The following KDM3B variants were observed in gnomAD, a reference collection of about 807,000 sequenced individuals.
The protein encoded by KDM3B is lysine-specific demethylase 3B.
KDM3B carries 10 observed loss-of-function variants against 170.0 expected under a neutral mutation model. That is an observed-to-expected ratio of 0.06 (90% confidence interval 0.04 to 0.10). The LOEUF is 0.10. KDM3B is among the 10% of genes least tolerant of loss of function. The pLI is 1.00. For synonymous variants in KDM3B, 831 were observed against 834.8 expected (o/e 1.00, Z 0.08); for missense variants, 1,394 against 2,195.2 (o/e 0.64, Z 7.29).
Position 138,398,289 on chromosome 5 carries a change from G to T in KDM3B, c.2943G>T (p.Gly981=), listed in dbSNP as rs1386399132. The stretch of plus-strand genomic sequence containing the variant: ...TTCCCTCTTCCTCCCTAGCAGAAGG[G>T]ATAGATCTAGAGACCTCAAAATACA... The part of the protein sequence containing the change: ...LWIPSSSLAE[G]IDLETSKYIL... The change falls in exon 10 of 24, where the codon GGG becomes GGT. Residue 981 remains glycine (G), a synonymous_variant. Coordinates refer to ENST00000314358, the MANE Select transcript of KDM3B (RefSeq NM_016604.4). The T allele has an allele frequency of 1.9e-6, 3 of 1,614,168 alleles. No individual in the cohort carries two copies. The highest frequency in any genetic ancestry group is 2.5e-6 in the Non-Finnish European group (3 of 1,180,028).
chr5:138,356,461 G>C, intron 1 of KDM3B, among the ~76,000 whole-genome samples: 1 of 152,004 alleles, frequency 6.6e-6, no homozygotes, highest in East Asian at 1.9e-4. Flanking sequence ...ATGACTATTT[G>C]TCCTTTTTTT....
At chr5:138,381,933 A>G (rs1176860631) in intron 6 of KDM3B, among the ~76,000 whole-genome samples, 1 of 151,478 alleles carries the variant, frequency 6.6e-6, no homozygotes, top group Non-Finnish European at 1.5e-5. Flanking sequence ...TCTACCAAGT[A>G]ACAAGAAGTG....
intron 11 of KDM3B, among the ~76,000 whole-genome samples, chr5:138,401,212 A>G (rs1392190881): frequency 1.3e-5 from 2 of 149,954 alleles, no homozygotes; most frequent in East Asian, 4.0e-4. Context: ...CGGAGGTTGC[A>G]GTGAGCTGAG....
intron 11 of KDM3B, among the ~76,000 whole-genome samples, chr5:138,406,802 C>T (rs1170215159): frequency 1.3e-5 from 2 of 152,004 alleles, no homozygotes; most frequent in Non-Finnish European, 2.9e-5. Flanking sequence ...TGCCTATACT[C>T]TCATCTATTT....
intron 1 of KDM3B, among the ~76,000 whole-genome samples, chr5:138,369,945 A>G (rs888546843): frequency 6.6e-6 from 1 of 152,226 alleles, no homozygotes; most frequent in African/African-American, 2.4e-5. Context: ...GTTTTGCAAG[A>G]GAGTGGAACT....
chr5:138,367,251 A>G (rs766090263), intron 1 of KDM3B, among the ~76,000 whole-genome samples: 7 of 152,114 alleles, frequency 4.6e-5, no homozygotes, highest in African/African-American at 9.7e-5. Context: ...TCAAGTTGCT[A>G]CTTTATTTAA....
intron 16 of KDM3B, 95 bp from the exon 17 acceptor site, chr5:138,425,316 G>A: frequency 9.2e-7 from 1 of 1,090,200 alleles, no homozygotes; most frequent in Non-Finnish European, 1.3e-6. Flanking sequence ...TGGAGAAGAG[G>A]AGGCCCTCCT....
chr5:138,404,287 A>G (rs1024573099), intron 11 of KDM3B, among the ~76,000 whole-genome samples: 5 of 152,240 alleles, frequency 3.3e-5, no homozygotes, highest in African/African-American at 9.6e-5. Flanking sequence ...TAGAAACATT[A>G]AGAAAACCAC....
intron 1 of KDM3B, among the ~76,000 whole-genome samples, chr5:138,355,359 A>G (rs1289313354): frequency 4.6e-5 from 7 of 152,252 alleles, no homozygotes; most frequent in African/African-American, 1.4e-4. Flanking sequence ...CAGATATCCT[A>G]TAAAATACAG....
intron 1 of KDM3B, among the ~76,000 whole-genome samples, chr5:138,354,762 A>G (rs879860944): frequency 6.6e-6 from 1 of 152,242 alleles, no homozygotes; most frequent in Non-Finnish European, 1.5e-5. Context: ...AGCAAAGAAC[A>G]TTACAGCTGT....
Position 138,391,777 on chromosome 5 carries a change from A to C in KDM3B, c.2145A>C (p.Pro715=). Reference sequence around the variant, plus strand: ...GCTCAGCTCTTACCAGTGGGGGCCCAAGCCTCTCTGCCATGGGGAATGGCC... The same window carrying C: ...GCTCAGCTCTTACCAGTGGGGGCCCCAGCCTCTCTGCCATGGGGAATGGCC... ...VLGSALTSGG[P]SLSAMGNGRS... is the part of the protein sequence containing the mutation. The change falls in exon 8 of 24, where the codon CCA becomes CCC. Residue 715 remains proline (P), a synonymous_variant. Transcript: ENST00000314358. The surrounding 1 kb of genome is among the most constrained non-coding windows in gnomAD (Gnocchi z 5.0). 6.2e-7 allele frequency: 1 copy of C among 1,614,016 alleles called. No individual in the cohort carries two copies. The highest frequency in any genetic ancestry group is 8.5e-7 in the Non-Finnish European group (1 of 1,179,990).
chr5:138,412,205 G>A (rs190516401), intron 11 of KDM3B, among the ~76,000 whole-genome samples: 31 of 150,640 alleles, frequency 2.1e-4, no homozygotes, highest in Admixed American at 1.5e-3. Context: ...GCGTGGTGGC[G>A]GGCACCTGTA....
chr5:138,428,164 G>A, intron 20 of KDM3B, 78 bp downstream of exon 20: 2 of 1,399,770 alleles, frequency 1.4e-6, no homozygotes, highest in East Asian at 2.5e-5. Context: ...TCATCCTTAG[G>A]GCCAGTGGCT....
At position 138,355,654 on chromosome 5, in the gene KDM3B, A is replaced by G. The variant is rs532725130; in HGVS notation, c.192+2667A>G. ...TTTTTAGAATTAGTTTATGGGTTGT[A>G]TGCATTTATCTCTGGCTTTTCTTTC... On this transcript the variant is annotated intron_variant, in intron 1 of 23. Coordinates refer to ENST00000314358, the MANE Select transcript of KDM3B (RefSeq NM_016604.4). 2.6e-5 allele frequency among the ~76,000 whole-genome samples: 4 copies of G among 152,314 alleles called. No individual in the cohort carries two copies. The East Asian group carries it at 5.8e-4, about 22-fold the overall frequency.
chr5:138,432,911 T>A (rs1046240593), intron 23 of KDM3B, among the ~76,000 whole-genome samples: 2 of 150,602 alleles, frequency 1.3e-5, no homozygotes, highest in African/African-American at 4.9e-5. Context: ...CGTCCAGCTA[T>A]TTTTTTGTAT....
chr5:138,405,805 A>G (rs1762803756), intron 11 of KDM3B, among the ~76,000 whole-genome samples: 1 of 152,226 alleles, frequency 6.6e-6, no homozygotes, highest in South Asian at 2.1e-4. Flanking sequence ...AAATTCAAAT[A>G]TATAATAGCA....
In KDM3B at chr5:138,418,988, C is replaced by T. The variant is rs377100275; in HGVS notation, c.3471C>T (p.Asn1157=). 26 of 1,614,054 alleles carry T rather than the reference C, an allele frequency of 1.6e-5. No individual in the cohort carries two copies. The highest frequency in any genetic ancestry group is 6.7e-5 in the East Asian group (3 of 44,898). ...PSINPSASSG[N]ETTFSGGGGP... is the part of the protein sequence containing the mutation. ...TAAACCCTAGTGCCTCTTCTGGAAA[C>T]GAAACTACCTTCTCTGGTGGAGGAG... The change falls in exon 14 of 24, where the codon AAC becomes AAT. Residue 1157 remains asparagine, a synonymous_variant. Coordinates refer to ENST00000314358, the MANE Select transcript of KDM3B (RefSeq NM_016604.4).
intron 1 of KDM3B, among the ~76,000 whole-genome samples, chr5:138,361,311 T>A (rs1387599886): frequency 6.7e-6 from 1 of 149,754 alleles, no homozygotes; most frequent in Non-Finnish European, 1.5e-5. Flanking sequence ...TAGTGTGACC[T>A]CCTTCAGTTT....
intron 7 of KDM3B, among the ~76,000 whole-genome samples, chr5:138,387,803 C>T (rs572912862): frequency 1.3e-5 from 2 of 152,278 alleles, no homozygotes; most frequent in East Asian, 3.9e-4. Flanking sequence ...CCATGTTGGC[C>T]AGGCACAGTA....
Sources: allele counts gnomAD v4.1 joint callset (sites outside exome capture counted in the v4.1 genomes callset), GRCh38; gene constraint gnomAD v4.1.1; non-coding constraint Gnocchi (gnomAD v3.1); transcripts MANE v1.5; gene names NCBI Gene and HGNC (gene_info 2026-07-23, HGNC 2026-07-21).